Variants in IGFL2 observed in about 807,000 individuals in gnomAD.
IGFL2 encodes insulin growth factor-like family member 2.
A neutral mutation model predicts 13.9 loss-of-function variants in IGFL2; 7 were observed. The observed-to-expected ratio is 0.51, with a 90% CI of 0.29 to 0.95. The LOEUF (loss-of-function observed/expected upper bound fraction) is 0.95, where lower values mean the gene tolerates loss of function less well. Ranked by LOEUF, IGFL2 falls within the 40% of genes least tolerant of loss-of-function variation. The pLI is 0.08. For synonymous variants in IGFL2, 55 were observed against 55.8 expected, an observed-to-expected ratio of 0.99 and a Z score of 0.07; for missense variants, 138 against 147.8, an observed-to-expected ratio of 0.93 and a Z score of 0.34.
chr19:46,111,322 C>A, the IGFL2 span: 6 of 152,122 alleles, frequency 3.9e-5, no homozygotes, highest in Non-Finnish European at 8.8e-5. Flanking sequence ...AGAATGATAT[C>A]AAAAAGTGAA....
chr19:46,147,620 A>T (rs1278260281), upstream of IGFL2, among the ~76,000 whole-genome samples: 1 of 152,194 alleles, frequency 6.6e-6, no homozygotes, highest in African/African-American at 2.4e-5. Context: ...TCGTGACCCC[A>T]TCGTACTTAG....
chr19:46,130,190 T>C, the IGFL2 span, among the ~76,000 whole-genome samples: 1 of 152,338 alleles, frequency 6.6e-6, no homozygotes, highest in East Asian at 1.9e-4. Flanking sequence ...TGCTTTTTTC[T>C]GTTTTCCATT....
the IGFL2 span, among the ~76,000 whole-genome samples, chr19:46,138,034 G>A: frequency 2.0e-5 from 3 of 152,086 alleles, no homozygotes; most frequent in South Asian, 4.1e-4. Context: ...CAGCCATTTC[G>A]GTCTGGTTAA....
chr19:46,212,419 A>G, the IGFL2 span: 1 of 152,256 alleles, frequency 6.6e-6, no homozygotes, highest in Non-Finnish European at 1.5e-5. Context: ...TGGCTTGTCC[A>G]TACCAGGTGT....
the IGFL2 span, among the ~76,000 whole-genome samples, chr19:46,181,586 C>T: frequency 2.0e-5 from 3 of 152,168 alleles, no homozygotes; most frequent in African/African-American, 4.8e-5. Flanking sequence ...CCAGGGCTGC[C>T]GCCTGGTCCT....
the IGFL2 span, among the ~76,000 whole-genome samples, chr19:46,079,730 A>G: frequency 6.6e-6 from 1 of 152,184 alleles, no homozygotes; most frequent in Non-Finnish European, 1.5e-5. Flanking sequence ...TGAGGGTTGT[A>G]AATATCCAAA....
upstream of IGFL2, among the ~76,000 whole-genome samples, chr19:46,142,204 C>G (rs987728721): frequency 6.6e-6 from 1 of 152,112 alleles, no homozygotes; most frequent in African/African-American, 2.4e-5. Flanking sequence ...AACTGGGACC[C>G]CACACACACC....
the IGFL2 span, among the ~76,000 whole-genome samples, chr19:46,187,275 T>C: frequency 2.0e-3 from 277 of 139,514 alleles, 1 homozygote; most frequent in Non-Finnish European, 2.8e-3. Context: ...TGATCAGAGA[T>C]GGTGAGCATT....
chr19:46,132,496 C>T, the IGFL2 span, among the ~76,000 whole-genome samples: 1 of 152,316 alleles, frequency 6.6e-6, no homozygotes, highest in Middle Eastern at 3.4e-3. Flanking sequence ...TAGACTCACA[C>T]ACCCAAACAG....
chr19:46,173,857 T>C, the IGFL2 span: 10 of 152,216 alleles, frequency 6.6e-5, no homozygotes, highest in Non-Finnish European at 1.3e-4. Flanking sequence ...TGCCAGATGT[T>C]GTGTCTTTAT....
At chr19:46,151,225 G>A (rs975096655) in intron 1 of IGFL2, among the ~76,000 whole-genome samples, 9 of 152,048 alleles carry the variant, frequency 5.9e-5, no homozygotes, top group African/African-American at 1.9e-4. Context: ...TTATATGTTC[G>A]CTCTTGTATT....
chr19:46,101,153 T>G, the IGFL2 span: 2 of 152,416 alleles, frequency 1.3e-5, no homozygotes, highest in South Asian at 4.1e-4. Context: ...AACGCTTCTG[T>G]ATAAGGTGTC....
the IGFL2 span, chr19:46,101,196 G>A: frequency 6.6e-6 from 1 of 152,436 alleles, no homozygotes; most frequent in Non-Finnish European, 1.5e-5. Context: ...GTCTCACCCA[G>A]TCGCGGGGCA....
chr19:46,094,503 C>CT, the IGFL2 span, among the ~76,000 whole-genome samples: 3,096 of 146,716 alleles, frequency 0.021, 89 homozygotes, highest in African/African-American at 0.068. Context: ...TTTTCTTTTT[C>CT]TTTTTTTTTT....
chr19:46,084,241 A>G, the IGFL2 span, among the ~76,000 whole-genome samples: 1 of 152,214 alleles, frequency 6.6e-6, no homozygotes, highest in African/African-American at 2.4e-5. Flanking sequence ...GCTCATGTGC[A>G]GTTGAGAAGA....
chr19:46,177,937 T>C, the IGFL2 span, among the ~76,000 whole-genome samples: 1 of 152,242 alleles, frequency 6.6e-6, no homozygotes, highest in Non-Finnish European at 1.5e-5. Flanking sequence ...TTGTGTTCAA[T>C]CCCTTCCCTC....
the IGFL2 span, among the ~76,000 whole-genome samples, chr19:46,134,102 GT>G: frequency 2.0e-5 from 3 of 152,208 alleles, no homozygotes; most frequent in African/African-American, 7.2e-5. Flanking sequence ...GCTTAGGATG[GT>G]TTTCTTGAGG....
the IGFL2 span, among the ~76,000 whole-genome samples, chr19:46,186,767 C>T: frequency 5.3e-5 from 8 of 152,214 alleles, no homozygotes; most frequent in Non-Finnish European, 8.8e-5. Flanking sequence ...CTTTTCTACC[C>T]TTCCCTAAAG....
intron 1 of IGFL2, chr19:46,148,734 G>A (rs1319860991): frequency 9.2e-6 from 7 of 760,542 alleles, no homozygotes; most frequent in African/African-American, 7.1e-5. Context: ...GTGAGTGGAG[G>A]GAGAAGAAAG....
Sources: gnomAD v4.1 joint callset for allele counts (sites outside exome capture counted in the v4.1 genomes callset) on GRCh38, gnomAD v4.1.1 for gene constraint, MANE v1.5 for transcripts, NCBI Gene and HGNC (gene_info 2026-07-23, HGNC 2026-07-21) for gene names.